EXT1: variants seen among roughly 807,000 people sequenced by gnomAD.
EXT1 encodes the protein exostosin glycosyltransferase 1.
In EXT1, 20 loss-of-function variants were observed where a neutral mutation model predicts 82.5. The observed-to-expected ratio is 0.24, with a 90% confidence interval of 0.17 to 0.35. The LOEUF (loss-of-function observed/expected upper bound fraction) is 0.35, where lower values mean the gene tolerates loss of function less well. Among genes scored for constraint, EXT1 ranks in the 10% least tolerant of loss-of-function variants. EXT1 has a pLI of 1.00. For missense variants in EXT1, 757 were observed against 936.5 expected, an observed-to-expected ratio of 0.81 and a Z score of 2.50; for synonymous variants, 348 against 350.8, an observed-to-expected ratio of 0.99 and a Z score of 0.09.
At chr8:117,850,362 C>T (rs1378042126) in intron 1 of EXT1, among the ~76,000 whole-genome samples, 2 of 152,162 alleles carry the variant, frequency 1.3e-5, no homozygotes, top group Non-Finnish European at 2.9e-5. Flanking sequence ...AAACTGCCTT[C>T]CTCAGGATTA....
At chr8:118,023,120 T>C (rs1816141359) in intron 1 of EXT1, among the ~76,000 whole-genome samples, 1 of 152,196 alleles carries the variant, frequency 6.6e-6, no homozygotes, top group Non-Finnish European at 1.5e-5. Flanking sequence ...AAATGTTTCA[T>C]AAATGGGCAA....
At chr8:117,933,679 G>A (rs1814104969) in intron 1 of EXT1, among the ~76,000 whole-genome samples, 1 of 152,068 alleles carries the variant, frequency 6.6e-6, no homozygotes, top group Non-Finnish European at 1.5e-5. Flanking sequence ...ATGCACCTAG[G>A]CAAGTCTGGC....
intron 8 of EXT1, among the ~76,000 whole-genome samples, chr8:117,811,747 G>C (rs1457000487): frequency 6.6e-6 from 1 of 151,978 alleles, no homozygotes; most frequent in African/African-American, 2.4e-5. Context: ...TTCCCGAGTA[G>C]CTGAGAATAC....
At chr8:117,843,311 G>T (rs188281572) in intron 1 of EXT1, among the ~76,000 whole-genome samples, 1 of 152,158 alleles carries the variant, frequency 6.6e-6, no homozygotes, top group Non-Finnish European at 1.5e-5. Context: ...GTTATCAAAT[G>T]ATGATTAGTC....
At chr8:117,884,224 G>A (rs1813109378) in intron 1 of EXT1, among the ~76,000 whole-genome samples, 2 of 152,124 alleles carry the variant, frequency 1.3e-5, no homozygotes, top group African/African-American at 2.4e-5. Context: ...GCCATTCCTT[G>A]GCATCTGCTA....
At chr8:117,864,450 G>C (rs1812737983) in intron 1 of EXT1, among the ~76,000 whole-genome samples, 1 of 152,054 alleles carries the variant, frequency 6.6e-6, no homozygotes, top group African/African-American at 2.4e-5. Context: ...TAGCTGATGA[G>C]CTTTAAAAAA....
intron 1 of EXT1, among the ~76,000 whole-genome samples, chr8:117,995,484 G>A (rs530112355): frequency 6.6e-6 from 1 of 152,184 alleles, no homozygotes; most frequent in Admixed American, 6.5e-5. Flanking sequence ...CATGGCGTGG[G>A]TGGGGACACA....
At chr8:117,886,601 A>T (rs985972080) in intron 1 of EXT1, among the ~76,000 whole-genome samples, 1 of 152,232 alleles carries the variant, frequency 6.6e-6, no homozygotes, top group Non-Finnish European at 1.5e-5. Context: ...AAGCACCAAA[A>T]TGTCAAATTC....
Position 117,794,849 on chromosome 8 carries a change from C to T in EXT1, c.*4863G>A, listed in dbSNP as rs937655662. 6.6e-6 allele frequency: 1 copy of T among 152,194 alleles called. No individual in the cohort carries two copies. Among genetic ancestry groups the T allele is most frequent in the Non-Finnish European group, 1.5e-5 (1 of 68,028 alleles). The allele number at this position is 152,194 out of a possible 1,614,324, so 9.4% of individuals were successfully genotyped here. A position where few individuals can be genotyped will look rare whatever the true frequency, so the allele number is the denominator to read the frequency against. ...AGGTATACTTTTGTTTTTTGCGTTACAATTTGCCACCTAAAATAGTTCCAG... is the reference window on the plus strand; with the variant it reads ...AGGTATACTTTTGTTTTTTGCGTTATAATTTGCCACCTAAAATAGTTCCAG... On this transcript the variant is annotated 3_prime_UTR_variant, in exon 11 of 11. Coordinates refer to ENST00000378204, the MANE Select transcript of EXT1 (RefSeq NM_000127.3).
At chr8:117,915,124 T>C (rs1485540605) in intron 1 of EXT1, among the ~76,000 whole-genome samples, 2 of 152,196 alleles carry the variant, frequency 1.3e-5, no homozygotes, top group African/African-American at 2.4e-5. Flanking sequence ...CTTTGTACTC[T>C]TTCTCTTTAT....
rs1038078464 is a variant in EXT1 at position 117,943,272 on chromosome 8, A to C, written c.963-106071T>G. ...ACACTACTACAAACTGCTAGTAAGA[A>C]AATAAATTGGGAGGTCTTTTGTGGA... On this transcript the variant is annotated intron_variant, in intron 1 of 10. Coordinates refer to ENST00000378204, the MANE Select transcript of EXT1 (RefSeq NM_000127.3). Among the ~76,000 whole-genome samples, 11 of 152,336 alleles carry C rather than the reference A, an allele frequency of 7.2e-5. No homozygotes were observed. The South Asian group carries it at 2.3e-3, about 32-fold the overall frequency.
At chr8:117,915,270 G>A (rs1404433054) in intron 1 of EXT1, among the ~76,000 whole-genome samples, 2 of 152,038 alleles carry the variant, frequency 1.3e-5, no homozygotes, top group African/African-American at 4.8e-5. Flanking sequence ...AAGTTGATCA[G>A]TCTTCTTCTG....
intron 1 of EXT1, among the ~76,000 whole-genome samples, chr8:117,857,151 C>T (rs1180503634): frequency 1.3e-5 from 2 of 152,102 alleles, no homozygotes; most frequent in Non-Finnish European, 2.9e-5. Context: ...TAAAATATTG[C>T]GTTCGTTGGC....
intron 1 of EXT1, among the ~76,000 whole-genome samples, chr8:117,975,600 C>A (rs1011137591): frequency 1.3e-5 from 2 of 152,082 alleles, no homozygotes; most frequent in African/African-American, 2.4e-5. Flanking sequence ...CTCATCACCA[C>A]CCCCCACTCC....
At position 117,799,110 on chromosome 8, in the gene EXT1, T is replaced by G. The variant is rs149676910; in HGVS notation, c.*602A>C. Reference sequence around the variant, plus strand: ...CTACCTGGAAGTCGTAATACTTTCTTTCATGCAGCGACATTTTAGAGATAA... The same window carrying G: ...CTACCTGGAAGTCGTAATACTTTCTGTCATGCAGCGACATTTTAGAGATAA... On this transcript the variant is annotated 3_prime_UTR_variant, in exon 11 of 11. Coordinates refer to ENST00000378204, the MANE Select transcript of EXT1 (RefSeq NM_000127.3). 1 of 153,234 alleles carries G rather than the reference T, an allele frequency of 6.5e-6. No homozygotes were observed. Among genetic ancestry groups the G allele is most frequent in the Non-Finnish European group, 1.5e-5 (1 of 68,782 alleles). The allele number at this position is 153,234 out of a possible 1,614,324, so 9.5% of individuals were successfully genotyped here. A position where few individuals can be genotyped will look rare whatever the true frequency, so the allele number is the denominator to read the frequency against.
At chr8:118,054,519 C>T (rs1159933681) in intron 1 of EXT1, among the ~76,000 whole-genome samples, 2 of 152,234 alleles carry the variant, frequency 1.3e-5, no homozygotes, top group Non-Finnish European at 2.9e-5. Context: ...GCATTCCTAC[C>T]ATGTGCCCCA....
intron 1 of EXT1, among the ~76,000 whole-genome samples, chr8:117,887,498 C>T (rs542655119): frequency 3.3e-5 from 5 of 152,158 alleles, no homozygotes; most frequent in East Asian, 3.9e-4. Context: ...ACTACAGGTG[C>T]GTGCCACCAC....
At chr8:117,811,212 A>G (rs1384069847) in intron 8 of EXT1, among the ~76,000 whole-genome samples, 1 of 152,228 alleles carries the variant, frequency 6.6e-6, no homozygotes, top group Admixed American at 6.5e-5. Context: ...TAACTGAAGT[A>G]CCTGGCATGG....
Position 117,799,584 on chromosome 8 carries a change from TCTGCTCATCTAAG to T in EXT1, c.*115_*127del. On this transcript the variant is annotated 3_prime_UTR_variant, in exon 11 of 11. Transcript: ENST00000378204. ...TCATTGGCCTTTTTTTTTTTGTCAT[TCTGCTCATCTAAG>T]TTTTTGGATAGTTGGCACAATCTGG... 1.2e-5 allele frequency: 13 copies of T among 1,070,518 alleles called. No homozygotes were observed. The Admixed American group carries it at 1.7e-4, about 14-fold the overall frequency. 66.3% of individuals were successfully genotyped at this position (1,070,518 alleles called of 1,614,324 possible).
Sources: allele counts gnomAD v4.1 joint callset (sites outside exome capture counted in the v4.1 genomes callset), GRCh38; gene constraint gnomAD v4.1.1; transcripts MANE v1.5; gene names NCBI Gene and HGNC (gene_info 2026-07-23, HGNC 2026-07-21).